The following CR1 variants were observed in gnomAD, a reference collection of about 807,000 sequenced individuals.
The protein encoded by CR1 is complement C3b/C4b receptor 1 (Knops blood group).
CR1 carries 116 observed loss-of-function variants against 187.3 expected under a neutral mutation model. The observed-to-expected ratio is 0.62, with a 90% confidence interval of 0.53 to 0.72. The LOEUF is 0.72. Ranked by LOEUF, CR1 falls within the 30% of genes least tolerant of loss-of-function variation. The pLI is 0.00. For missense variants in CR1, 1,731 were observed against 2,110.7 expected (o/e 0.82, Z 3.52); for synonymous variants, 576 against 747.1 (o/e 0.77, Z 3.73).
At chr1:207,520,947 C>T (rs1426852323) in intron 4 of CR1, among the ~76,000 whole-genome samples, 2 of 131,744 alleles carry the variant, frequency 1.5e-5, no homozygotes, top group Non-Finnish European at 3.2e-5. Flanking sequence ...CTTGGGTTTG[C>T]ACATTTTTTT....
At chr1:207,512,785 A>G (rs1659661927) in intron 4 of CR1, among the ~76,000 whole-genome samples, 1 of 152,358 alleles carries the variant, frequency 6.6e-6, no homozygotes, top group South Asian at 2.1e-4. Flanking sequence ...TCCTGGAAAT[A>G]TGAAAAAGAT....
intron 1 of CR1, among the ~76,000 whole-genome samples, chr1:207,505,699 G>C (rs369506416): frequency 1.3e-5 from 2 of 151,996 alleles, no homozygotes; most frequent in African/African-American, 4.8e-5. Flanking sequence ...GCCAGGTGTG[G>C]TGGTGGGCAC....
In CR1 at chr1:207,614,456, G is replaced by A; in HGVS notation, c.6628G>A (p.Ala2210Thr). The A allele has an allele frequency of 5.0e-6, 8 of 1,611,628 alleles. No homozygotes were observed. The highest frequency in any genetic ancestry group is 3.3e-5 in the South Asian group (3 of 91,052). Residue 2210 changes from alanine to threonine, a missense_variant, in exon 40 of 47, where the codon GCC becomes ACC. Ala to Thr is a moderately conservative substitution (Grantham distance 58). Coordinates refer to ENST00000367049, the MANE Select transcript of CR1 (RefSeq NM_000651.6). Reference protein sequence around the residue: ...ASHCVLAGMKALWNSSVPVCE... With the variant: ...ASHCVLAGMKTLWNSSVPVCE... ...TCATTGTGTCTTGGCTGGAATGAAA[G>A]CCCTTTGGAATAGCAGTGTTCCAGT...
chr1:207,568,312 A>G (rs893776159), intron 25 of CR1, among the ~76,000 whole-genome samples: 5 of 123,802 alleles, frequency 4.0e-5, no homozygotes, highest in Non-Finnish European at 8.1e-5. Flanking sequence ...ATGCCTGTGA[A>G]TCTCCTTATT....
chr1:207,604,003 A>G (rs1661679522), intron 35 of CR1, among the ~76,000 whole-genome samples: 2 of 152,194 alleles, frequency 1.3e-5, no homozygotes, highest in African/African-American at 4.8e-5. Context: ...AGTGCCCTCC[A>G]CTAAACTTTG....
Position 207,609,517 on chromosome 1 carries a change from A to G in CR1, c.6124A>G (p.Thr2042Ala), listed in dbSNP as rs896186099. Residue 2042 changes from threonine to alanine, a missense_variant, in exon 37 of 47, where the codon ACA (threonine) becomes GCA (alanine). Thr to Ala is a moderately conservative substitution (Grantham distance 58, BLOSUM62 0). Around this residue, in one of 5 missense-constraint regions of CR1, gnomAD observed 1,312 missense variants for 1,379.6 expected, o/e 0.95. Coordinates refer to ENST00000367049, the MANE Select transcript of CR1 (RefSeq NM_000651.6). ...PPRCISTNKC[T>A]APEVENAIRV... is the part of the protein sequence containing the mutation. The stretch of plus-strand genomic sequence containing the variant: ...TCGGTGTATTTCTACTAATAAATGC[A>G]CAGCTCCAGAAGTTGAAAATGCAAT... 6.2e-7 allele frequency: 1 copy of G among 1,614,002 alleles called. No homozygotes were observed. Among genetic ancestry groups the G allele is most frequent in the East Asian group, 2.2e-5 (1 of 44,884 alleles).
In CR1 at chr1:207,590,739, T is replaced by C. The variant is rs531090286; in HGVS notation, c.5810+1965T>C. 1.2e-4 allele frequency among the ~76,000 whole-genome samples: 19 copies of C among 152,244 alleles called. 2 individuals carry two copies. The highest frequency in any genetic ancestry group is 4.3e-4 in the African/African-American group (18 of 41,554). Reference sequence around the variant, plus strand: ...CCCATCTCATGTGCAAAGACACACATAGGCGCAAAATAAAGGGATGGAGGA... The same window carrying C: ...CCCATCTCATGTGCAAAGACACACACAGGCGCAAAATAAAGGGATGGAGGA... On this transcript the variant is annotated intron_variant, in intron 35 of 46. Coordinates refer to ENST00000367049, the MANE Select transcript of CR1 (RefSeq NM_000651.6).
intron 46 of CR1, among the ~76,000 whole-genome samples, chr1:207,631,447 A>G (rs1662643191): frequency 6.6e-6 from 1 of 152,136 alleles, no homozygotes; most frequent in South Asian, 2.1e-4. Context: ...GAGACCCCAA[A>G]AGCCAAAAGT....
intron 35 of CR1, among the ~76,000 whole-genome samples, chr1:207,589,675 A>C (rs1558251726): frequency 6.6e-6 from 1 of 152,186 alleles, no homozygotes; most frequent in Non-Finnish European, 1.5e-5. Flanking sequence ...CTCTGAGCTA[A>C]AGGAGCATGT....
At chr1:207,574,592 G>A (rs963594154) in intron 27 of CR1, among the ~76,000 whole-genome samples, 2 of 151,910 alleles carry the variant, frequency 1.3e-5, no homozygotes, top group East Asian at 3.8e-4. Context: ...ACAAAAACTC[G>A]GCAATGTAAT....
chr1:207,639,222 A>G (rs1053852553), intron 46 of CR1, among the ~76,000 whole-genome samples, 175 bp from the exon 47 acceptor site: 2 of 152,198 alleles, frequency 1.3e-5, no homozygotes, highest in African/African-American at 4.8e-5. Context: ...TAGATGACCA[A>G]TTTGATCACA....
chr1:207,524,786 G>A (rs1349051869), intron 5 of CR1, among the ~76,000 whole-genome samples: 2 of 151,812 alleles, frequency 1.3e-5, no homozygotes, highest in African/African-American at 4.9e-5. Flanking sequence ...CCTCACTCCA[G>A]AGCCTTGGCT....
chr1:207,567,853 C>G lies in CR1; in HGVS notation c.3982C>G (p.Pro1328Ala), dbSNP rs1558236883. 3 of 1,610,960 alleles carry G rather than the reference C, an allele frequency of 1.9e-6. No homozygotes were observed. The highest frequency in any genetic ancestry group is 2.5e-6 in the Non-Finnish European group (3 of 1,179,648). The change falls in exon 25 of 47, where the codon CCT becomes GCT. Residue 1328 changes from proline to alanine, a missense_variant. Transcript: ENST00000367049. ...QIFCPSPPVIPNGRHTGKPLE... is the reference protein window; with the variant it reads ...QIFCPSPPVIANGRHTGKPLE... ...CTTTTGTCCAAGTCCTCCAGTTATT[C>G]CTAATGGGAGACACACAGGAAAACC...
intron 35 of CR1, among the ~76,000 whole-genome samples, chr1:207,592,596 G>A (rs183439664): frequency 5.9e-4 from 90 of 152,274 alleles, no homozygotes; most frequent in African/African-American, 2.0e-3. Context: ...TCTGGCCAGG[G>A]CAATCAGGCA....
intron 44 of CR1, 109 bp from the exon 45 acceptor site, chr1:207,622,884 A>T (rs567052217): frequency 1.9e-3 from 470 of 248,860 alleles, no homozygotes; most frequent in Middle Eastern, 4.3e-3. Context: ...TTACATCTTT[A>T]AAAAAAAAAA....
At chr1:207,588,577 G>A in intron 34 of CR1, 98 bp from the exon 35 acceptor site, 1 of 758,952 alleles carries the variant, frequency 1.3e-6, no homozygotes, top group Non-Finnish European at 2.2e-6. Flanking sequence ...GAAACAATTG[G>A]AACTGTATAT....
chr1:207,521,806 TAA>T lies in CR1; in HGVS notation c.488-1804_488-1803del, dbSNP rs1491461615. On this transcript the variant is annotated intron_variant, in intron 4 of 46. Transcript: ENST00000367049. ...GCACCACCACACCTACACATCTGGA[TAA>T]TATATATATATATATATATGTATAT... Among the ~76,000 whole-genome samples the T allele has an allele frequency of 2.6e-4, 7 of 26,876 alleles. No homozygotes were observed. In the East Asian group the frequency reaches 0.024, roughly 93 times the overall value. The allele number at this position is 26,876 out of a possible 152,430, so 17.6% of individuals were successfully genotyped here.
chr1:207,514,271 A>T (rs1659715583), intron 4 of CR1, among the ~76,000 whole-genome samples: 2 of 152,212 alleles, frequency 1.3e-5, no homozygotes, highest in Admixed American at 6.5e-5. Flanking sequence ...TTAAAATATA[A>T]TTCATGTATC....
intron 24 of CR1, among the ~76,000 whole-genome samples, chr1:207,566,247 C>T (rs1305607318): frequency 6.7e-6 from 1 of 149,592 alleles, no homozygotes; most frequent in Non-Finnish European, 1.5e-5. Context: ...TTTTTCTCTT[C>T]CTTCCATCCT....
Sources: gnomAD v4.1 joint callset for allele counts (sites outside exome capture counted in the v4.1 genomes callset) on GRCh38, gnomAD v4.1.1 for gene constraint, gnomAD v4.1.1 regional missense constraint, MANE v1.5 for transcripts, NCBI Gene and HGNC (gene_info 2026-07-23, HGNC 2026-07-21) for gene names.